The following SALL1 variants were observed in gnomAD, a reference collection of about 807,000 sequenced individuals.
SALL1 encodes the protein sal-like protein 1.
Under a neutral mutation model 73.1 loss-of-function variants are expected in SALL1, and 10 were observed. That is an observed-to-expected ratio of 0.14 (90% CI 0.08 to 0.23). SALL1 has a LOEUF of 0.23. SALL1 is among the 10% of genes least tolerant of loss of function. The pLI, the probability that SALL1 is intolerant of heterozygous loss-of-function variation, is 1.00. For synonymous variants in SALL1, 688 were observed against 689.8 expected (o/e 1.00, Z 0.04); for missense variants, 1,520 against 1,697.3 (o/e 0.90, Z 1.84).
At chr16:51,146,992 G>A (rs188957493) in intron 1 of SALL1, among the ~76,000 whole-genome samples, 3 of 152,302 alleles carry the variant, frequency 2.0e-5, no homozygotes, top group Admixed American at 2.0e-4. Flanking sequence ...CCTACACAGA[G>A]CTTGGCTTTT....
Position 51,136,341 on chromosome 16 carries a change from G to C in SALL1, c.*771C>G, listed in dbSNP as rs755067449. ...GAAATTCCAGCACACATTTTCTATC[G>C]TGAATATACCTACAAGGCAAAATGT... On this transcript the variant is annotated 3_prime_UTR_variant, in exon 3 of 3. Coordinates refer to ENST00000251020, the MANE Select transcript of SALL1 (RefSeq NM_002968.3). 1 of 152,594 alleles carries C rather than the reference G, an allele frequency of 6.6e-6. No homozygotes were observed. The highest frequency in any genetic ancestry group is 1.5e-5 in the Non-Finnish European group (1 of 68,034). 9.5% of individuals were successfully genotyped at this position (152,594 alleles called of 1,614,324 possible).
At position 51,137,202 on chromosome 16, in the gene SALL1, G is replaced by A. The variant is rs375830441; in HGVS notation, c.3885C>T (p.Ala1295=). The change falls in exon 3 of 3, where the codon GCC becomes GCT. Residue 1295 remains alanine (A), a synonymous_variant. Transcript: ENST00000251020. ...CACTGCTTGCCATTTTCTCCAGGCC[G>A]GCCAGGGGAGCATTGGGCTCTGAGT... is the stretch of plus-strand genomic sequence containing the variant. The part of the protein sequence containing the change: ...LQNSEPNAPL[A]GLEKMASSEN... The A allele has an allele frequency of 2.9e-5, 47 of 1,614,006 alleles. 1 individual carries two copies. The highest frequency in any genetic ancestry group is 9.3e-5 in the African/African-American group (7 of 74,902).
In SALL1 at chr16:51,137,386, C is replaced by T; in HGVS notation, c.3701G>A (p.Trp1234Ter). The change falls in exon 3 of 3, where the codon TGG (tryptophan) becomes TAG (stop). Residue 1234 changes from tryptophan (W) to a stop codon, truncating the protein, a stop_gained. Transcript: ENST00000251020. LOFTEE classifies it high-confidence loss of function. ...GGAGAGCGCTGCTGCATACTGATTC[C>T]AGAAGCTGGAAGGATCCCCACTTCC... is the stretch of plus-strand genomic sequence containing the variant. ...RSGSGDPSSFWNQYAAALSNG... is the reference protein window; with the variant it reads ...RSGSGDPSSF 2 of 1,614,130 alleles carry T rather than the reference C, an allele frequency of 1.2e-6. No homozygotes were observed. Among genetic ancestry groups the T allele is most frequent in the Non-Finnish European group, 1.7e-6 (2 of 1,180,022 alleles).
chr16:51,139,021 A>G lies in SALL1; in HGVS notation c.3201T>C (p.Leu1067=). The G allele has an allele frequency of 1.2e-6, 2 of 1,614,156 alleles. No homozygotes were observed. The highest frequency in any genetic ancestry group is 1.7e-6 in the Non-Finnish European group (2 of 1,180,020). ...TCACCGCTGAGTTCTGATTGGGGCC[A>G]AGGTTGGAACTGGGCTCAAAGAGCT... ...PSQLFEPSSN[L]GPNQNSAVIP... Residue 1067 remains leucine, a synonymous_variant, in exon 2 of 3, where the codon CTT becomes CTC. Transcript: ENST00000251020.
In SALL1 at chr16:51,151,073, G is replaced by A. The variant is rs1004294935; in HGVS notation, c.76+93C>T. 11 of 835,490 alleles carry A rather than the reference G, an allele frequency of 1.3e-5. No homozygotes were observed. The East Asian group carries it at 3.2e-4, about 24-fold the overall frequency. The allele number at this position is 835,490 out of a possible 1,614,324, so 51.8% of individuals were successfully genotyped here. A position where few individuals can be genotyped will look rare whatever the true frequency, so the allele number is the denominator to read the frequency against. On this transcript the variant is annotated intron_variant, in intron 1 of 2. Coordinates refer to ENST00000251020, the MANE Select transcript of SALL1 (RefSeq NM_002968.3). ...CGGGGCCGCGGCGGCGGTGAGGTAGGGGGCGCGGGGGCCAGCCGCGTGTGA... is the reference window on the plus strand; with the variant it reads ...CGGGGCCGCGGCGGCGGTGAGGTAGAGGGCGCGGGGGCCAGCCGCGTGTGA...
chr16:51,143,932 A>G (rs1028581698), intron 1 of SALL1, among the ~76,000 whole-genome samples: 4 of 152,206 alleles, frequency 2.6e-5, no homozygotes, highest in Non-Finnish European at 5.9e-5. Context: ...AGCAGAAAAT[A>G]CCAATAATGA....
intron 1 of SALL1, among the ~76,000 whole-genome samples, chr16:51,145,696 A>G (rs1036835231): frequency 2.0e-5 from 3 of 152,162 alleles, no homozygotes; most frequent in African/African-American, 7.2e-5. Flanking sequence ...GTGTTCTACC[A>G]TATCTGTCTA....
intron 2 of SALL1, 21 bp from the exon 3 acceptor site, chr16:51,137,573 G>A: frequency 6.3e-7 from 1 of 1,586,058 alleles, no homozygotes; most frequent in Non-Finnish European, 8.6e-7. Context: ...GGGAGGGCAG[G>A]CAGAGAGACA....
intron 1 of SALL1, among the ~76,000 whole-genome samples, chr16:51,146,386 G>A (rs1305068299): frequency 2.0e-5 from 3 of 152,052 alleles, no homozygotes; most frequent in African/African-American, 7.2e-5. Flanking sequence ...CAGTTGCAAG[G>A]GTTTGTTCAA....
intron 1 of SALL1, among the ~76,000 whole-genome samples, chr16:51,144,203 A>G (rs1962484650): frequency 6.6e-6 from 1 of 152,164 alleles, no homozygotes; most frequent in Admixed American, 6.5e-5. Context: ...AGGAAATGCA[A>G]TTCCTAATAT....
Position 51,136,492 on chromosome 16 carries a change from T to C in SALL1, c.*620A>G, listed in dbSNP as rs1202179423. The C allele has an allele frequency of 1.3e-5, 2 of 152,726 alleles. No homozygotes were observed. Among genetic ancestry groups the C allele is most frequent in the Admixed American group, 6.5e-5 (1 of 15,270 alleles). 9.5% of individuals were successfully genotyped at this position (152,726 alleles called of 1,614,324 possible). The stretch of plus-strand genomic sequence containing the variant: ...ACTCAAGTAAAAAGCACAATACAAA[T>C]AGCAGTTCAAAATGGAAATGGTTAA... On this transcript the variant is annotated 3_prime_UTR_variant, in exon 3 of 3. Coordinates refer to ENST00000251020, the MANE Select transcript of SALL1 (RefSeq NM_002968.3).
intron 1 of SALL1, chr16:51,149,335 C>T (rs1010931399): frequency 3.3e-5 from 5 of 152,212 alleles, no homozygotes; most frequent in African/African-American, 1.2e-4. Flanking sequence ...CTCTAGTTTG[C>T]TTTTTTGTGT....
chr16:51,141,574 G>A lies in SALL1; in HGVS notation c.648C>T (p.Cys216=), dbSNP rs1201617645. The A allele has an allele frequency of 1.3e-5, 21 of 1,614,010 alleles. No homozygotes were observed. The highest frequency in any genetic ancestry group is 8.0e-5 in the African/African-American group (6 of 74,904). ...AVAQFSQEAR[C]GGASGGKLAV... ...CCAGCTTGCCCCCAGAGGCCCCGCC[G>A]CACCTCGCTTCCTGGGAGAACTGGG... is the stretch of plus-strand genomic sequence containing the variant. Residue 216 remains cysteine (C), a synonymous_variant, in exon 2 of 3, where the codon TGC becomes TGT. Transcript: ENST00000251020. This position sits in a 1 kb window ranked among gnomAD's most constrained non-coding sequence, Gnocchi z 5.4.
Position 51,138,827 on chromosome 16 carries a change from T to C in SALL1, c.3395A>G (p.Lys1132Arg), listed in dbSNP as rs768966788. 22 of 1,614,072 alleles carry C rather than the reference T, an allele frequency of 1.4e-5. No homozygotes were observed. Among genetic ancestry groups the C allele is most frequent in the Admixed American group, 5.0e-5 (3 of 60,006 alleles). Residue 1132 changes from lysine to arginine, a missense_variant, in exon 2 of 3, where the codon AAG becomes AGG. Lys to Arg is a conservative substitution (Grantham distance 26). Transcript: ENST00000251020. The stretch of plus-strand genomic sequence containing the variant: ...GCCACATGTGTTGCAGTAGTGCTGC[T>C]TGGGAGTTCTCCTGGGCAGAGCAGG... ...LLPALPRRTPKQHYCNTCGKT... is the reference protein window; with the variant it reads ...LLPALPRRTPRQHYCNTCGKT...
chr16:51,137,066 C>T lies in SALL1; in HGVS notation c.*46G>A, dbSNP rs558508417. The T allele has an allele frequency of 2.4e-5, 38 of 1,581,720 alleles. 1 individual carries two copies. In the South Asian group the frequency reaches 3.6e-4, roughly 15 times the overall value. The stretch of plus-strand genomic sequence containing the variant: ...CAAGGAGTAGGAGGCCACCATAGGT[C>T]GCATTCTGAACAGGAATGAATGCTA... On this transcript the variant is annotated 3_prime_UTR_variant, in exon 3 of 3. Transcript: ENST00000251020.
rs1597226126 is a variant in SALL1, at chr16:51,136,872, C to A, written c.*240G>T. 3.7e-6 allele frequency: 2 copies of A among 539,276 alleles called. No homozygotes were observed. Among genetic ancestry groups the A allele is most frequent in the East Asian group, 6.4e-5 (2 of 31,132 alleles). The allele number at this position is 539,276 out of a possible 1,614,324, so 33.4% of individuals were successfully genotyped here. On this transcript the variant is annotated 3_prime_UTR_variant, in exon 3 of 3. Transcript: ENST00000251020. ...GTCAATTAGTATTTAGTCCAAAATA[C>A]AGAAGACCAAAGTTAACGCTTGCAT...
chr16:51,138,629 A>C, intron 2 of SALL1, 59 bp downstream of exon 2: 1 of 1,564,788 alleles, frequency 6.4e-7, no homozygotes. Context: ...CATTATAGAT[A>C]ATCAATGGCA....
chr16:51,138,912 G>C lies in SALL1; in HGVS notation c.3310C>G (p.Pro1104Ala), dbSNP rs547153228. 383 of 1,614,206 alleles carry C rather than the reference G, an allele frequency of 2.4e-4. 2 individuals carry two copies. In the South Asian group the frequency reaches 4.0e-3, roughly 17 times the overall value. ...GGCCCAGACGGGACGTGACTGGTGGGGGTGTCCTTACTGTCCTGAGGAGAA... is the reference window on the plus strand; with the variant it reads ...GGCCCAGACGGGACGTGACTGGTGGCGGTGTCCTTACTGTCCTGAGGAGAA... ...HVSPQDSKDT[P>A]TSHVPSGPLS... The change falls in exon 2 of 3, where the codon CCC becomes GCC. Residue 1104 changes from proline (P) to alanine (A), a missense_variant. This residue lies in a region of SALL1 where 318 missense variants were observed against 357.1 expected (regional missense o/e 0.89). Transcript: ENST00000251020.
At chr16:51,150,310 T>C in intron 1 of SALL1, 1 of 799,144 alleles carries the variant, frequency 1.3e-6, no homozygotes, top group Non-Finnish European at 1.5e-6. Flanking sequence ...CCTGGAAAAC[T>C]ATTCTATGAC....
Sources: gnomAD v4.1 joint callset for allele counts (sites outside exome capture counted in the v4.1 genomes callset) on GRCh38, gnomAD v4.1.1 for gene constraint, gnomAD v4.1.1 regional missense constraint, Gnocchi (gnomAD v3.1) non-coding constraint, MANE v1.5 for transcripts, NCBI Gene and HGNC (gene_info 2026-07-23, HGNC 2026-07-21) for gene names.